ALK: variants seen among roughly 807,000 people sequenced by gnomAD.
ALK encodes the protein ALK tyrosine kinase receptor.
ALK carries 74 observed loss-of-function variants against 163.1 expected under a neutral mutation model. The ratio of observed to expected loss-of-function variants is 0.45; its 90% CI spans 0.38 to 0.55. The LOEUF (loss-of-function observed/expected upper bound fraction) is 0.55, where lower values mean the gene tolerates loss of function less well. ALK is among the 20% of genes least tolerant of loss of function. ALK has a pLI of 0.00. For missense variants in ALK, 2,063 were observed against 2,105.3 expected (o/e 0.98, Z 0.39); for synonymous variants, 960 against 843.2 (o/e 1.14, Z -2.40).
chr2:29,920,411 G>T lies in ALK; in HGVS notation c.249C>A (p.Gly83=). 1 of 1,589,780 alleles carries T rather than the reference G, an allele frequency of 6.3e-7. No individual in the cohort carries two copies. Among genetic ancestry groups the T allele is most frequent in the Non-Finnish European group, 8.6e-7 (1 of 1,168,644 alleles). The change falls in exon 1 of 29, where the codon GGC becomes GGA. Residue 83 remains glycine (G), a synonymous_variant. Coordinates refer to ENST00000389048, the MANE Select transcript of ALK (RefSeq NM_004304.5). The part of the protein sequence containing the change: ...LPPSSSELKA[G]RPEARGSLAL... ...CTAGCGAGCCGCGGGCCTCGGGCCT[G>T]CCAGCCTTCAGCTCCGAGGAGGATG... is the stretch of plus-strand genomic sequence containing the variant.
At chr2:29,632,624 G>A (rs559038411) in intron 3 of ALK, among the ~76,000 whole-genome samples, 1 of 152,148 alleles carries the variant, frequency 6.6e-6, no homozygotes, top group Non-Finnish European at 1.5e-5. Flanking sequence ...CTGCAAGCCA[G>A]GAAGAGAGCC....
At chr2:29,383,186 C>T (rs1294714077) in intron 5 of ALK, among the ~76,000 whole-genome samples, 1 of 152,144 alleles carries the variant, frequency 6.6e-6, no homozygotes, top group Non-Finnish European at 1.5e-5. Flanking sequence ...CGTTAGGCCC[C>T]AATGTCTGCT....
At chr2:29,747,657 T>C (rs114257503) in intron 1 of ALK, among the ~76,000 whole-genome samples, 4,847 of 152,298 alleles carry the variant, frequency 0.032, 111 homozygotes, top group Non-Finnish European at 0.053. Flanking sequence ...TTTCCAGTAA[T>C]GGAAAGAGCC....
intron 1 of ALK, among the ~76,000 whole-genome samples, chr2:29,917,032 A>G (rs1412108745): frequency 1.3e-5 from 2 of 152,232 alleles, no homozygotes. Context: ...TTCATGCATT[A>G]TAAGGCCTCT....
intron 3 of ALK, among the ~76,000 whole-genome samples, chr2:29,598,150 C>T (rs1675268021): frequency 6.6e-6 from 1 of 152,188 alleles, no homozygotes; most frequent in Non-Finnish European, 1.5e-5. Flanking sequence ...GCCTCACCTC[C>T]TGCGTAGCTG....
intron 1 of ALK, among the ~76,000 whole-genome samples, chr2:29,814,519 G>A (rs890068275): frequency 6.6e-6 from 1 of 151,914 alleles, no homozygotes; most frequent in South Asian, 2.1e-4. Context: ...AATTAGCTGG[G>A]CGAGGTGGCA....
At chr2:29,910,528 A>T (rs1249502768) in intron 1 of ALK, among the ~76,000 whole-genome samples, 5 of 152,202 alleles carry the variant, frequency 3.3e-5, no homozygotes, top group African/African-American at 4.8e-5. Flanking sequence ...ACACAAAGCA[A>T]ATTACATAAG....
At chr2:29,553,890 A>T (rs886311692) in intron 3 of ALK, among the ~76,000 whole-genome samples, 7 of 152,038 alleles carry the variant, frequency 4.6e-5, no homozygotes, top group African/African-American at 1.4e-4. Context: ...TCAGTTATCT[A>T]TTGGAGGCTT....
chr2:29,440,169 G>A lies in ALK; in HGVS notation c.1155-56310C>T, dbSNP rs188864924. 2.1e-3 allele frequency among the ~76,000 whole-genome samples: 318 copies of A among 152,148 alleles called. 3 individuals carry two copies. Among genetic ancestry groups the A allele is most frequent in the African/African-American group, 7.1e-3 (297 of 41,552 alleles). Reference sequence around the variant, plus strand: ...GAATCACTTGAACCTGGGAGGTGGAGGTTGCAGTGAGCCGAGATCGTGCCA... The same window carrying A: ...GAATCACTTGAACCTGGGAGGTGGAAGTTGCAGTGAGCCGAGATCGTGCCA... On this transcript the variant is annotated intron_variant, in intron 4 of 28. Transcript: ENST00000389048.
chr2:29,256,530 T>C (rs1285081329), intron 11 of ALK, among the ~76,000 whole-genome samples: 2 of 151,962 alleles, frequency 1.3e-5, no homozygotes, highest in East Asian at 1.9e-4. Flanking sequence ...AGGAACTAAA[T>C]GTAGATCTTC....
intron 3 of ALK, among the ~76,000 whole-genome samples, chr2:29,692,132 A>G (rs1273289144): frequency 6.6e-6 from 1 of 152,224 alleles, no homozygotes; most frequent in African/African-American, 2.4e-5. Flanking sequence ...AAAATGAAAT[A>G]AAACAGATTT....
intron 3 of ALK, among the ~76,000 whole-genome samples, chr2:29,595,015 T>C (rs1383409641): frequency 2.6e-5 from 4 of 151,762 alleles, no homozygotes; most frequent in Non-Finnish European, 1.5e-5. Flanking sequence ...GGAAAGGAAG[T>C]CATGCGTCTA....
chr2:29,361,713 C>T (rs1437922952), intron 5 of ALK, among the ~76,000 whole-genome samples: 1 of 152,154 alleles, frequency 6.6e-6, no homozygotes, highest in African/African-American at 2.4e-5. Context: ...GGGGCACAGG[C>T]TCTCCCAGGA....
intron 1 of ALK, among the ~76,000 whole-genome samples, chr2:29,838,174 T>C (rs559903166): frequency 5.3e-5 from 8 of 151,074 alleles, no homozygotes; most frequent in African/African-American, 1.7e-4. Context: ...AACTAAAGAG[T>C]AGAAAAATGT....
At chr2:29,237,692 T>C (rs1024030530) in intron 13 of ALK, among the ~76,000 whole-genome samples, 4 of 152,086 alleles carry the variant, frequency 2.6e-5, no homozygotes, top group Admixed American at 6.5e-5. Flanking sequence ...GCTGTCTGGA[T>C]TGTGGGCTGG....
At chr2:29,668,682 G>A (rs1677590676) in intron 3 of ALK, among the ~76,000 whole-genome samples, 1 of 152,218 alleles carries the variant, frequency 6.6e-6, no homozygotes. Flanking sequence ...CTATTCTGGA[G>A]AATATTCCAC....
intron 1 of ALK, among the ~76,000 whole-genome samples, chr2:29,859,822 T>C (rs766918910): frequency 2.3e-4 from 35 of 152,136 alleles, no homozygotes; most frequent in Admixed American, 5.2e-4. Flanking sequence ...CAAAGCAAAG[T>C]TGAGAGATGT....
intron 2 of ALK, 42 bp from the exon 3 acceptor site, chr2:29,695,056 A>G (rs1678515127): frequency 6.2e-7 from 1 of 1,613,026 alleles, no homozygotes; most frequent in South Asian, 1.1e-5. Context: ...ACCATTTCCC[A>G]AACGTGACTT....
At chr2:29,629,795 A>G (rs1044737948) in intron 3 of ALK, among the ~76,000 whole-genome samples, 1 of 152,192 alleles carries the variant, frequency 6.6e-6, no homozygotes, top group African/African-American at 2.4e-5. Context: ...CTCATTTTAC[A>G]GGTCAAAGCA....
Sources: allele counts gnomAD v4.1 joint callset (sites outside exome capture counted in the v4.1 genomes callset), GRCh38; gene constraint gnomAD v4.1.1; transcripts MANE v1.5; gene names NCBI Gene and HGNC (gene_info 2026-07-23, HGNC 2026-07-21).